Variants in SPON1 observed in about 807,000 individuals in gnomAD.
SPON1 encodes spondin-1.
Under a neutral mutation model 111.7 loss-of-function variants are expected in SPON1, and 52 were observed. The observed-to-expected ratio is 0.47, with a 90% CI of 0.37 to 0.59. The LOEUF (loss-of-function observed/expected upper bound fraction) is 0.59. SPON1 is among the 20% of genes least tolerant of loss of function. The probability of loss-of-function intolerance (pLI) is 0.00; values close to 1 mark genes in which losing one functional copy is unlikely to be tolerated. For missense variants in SPON1, 957 were observed against 1,068.5 expected (o/e 0.90, Z 1.46); for synonymous variants, 410 against 395.8 (o/e 1.04, Z -0.43).
chr11:14,088,166 T>C, intron 5 of SPON1, among the ~76,000 whole-genome samples: 1 of 152,242 alleles, frequency 6.6e-6, no homozygotes, highest in East Asian at 1.9e-4. Context: ...AGTTTGATCC[T>C]GTCATTATGA....
At chr11:14,078,510 T>C (rs1450171133) in intron 4 of SPON1, among the ~76,000 whole-genome samples, 1 of 152,012 alleles carries the variant, frequency 6.6e-6, no homozygotes, top group Non-Finnish European at 1.5e-5. Context: ...ACAGAAACAA[T>C]AAAAAAGTTT....
intron 6 of SPON1, among the ~76,000 whole-genome samples, chr11:14,190,544 CCTTCCTTCCTTCTTTA>C (rs1350669191): frequency 5.6e-4 from 85 of 151,540 alleles, no homozygotes; most frequent in African/African-American, 2.0e-3. Context: ...CTTCCTTCCT[CCTTCCTTCCTTCTTTA>C]CTTCCTTCCT....
At chr11:14,150,022 A>G (rs1428470549) in intron 6 of SPON1, among the ~76,000 whole-genome samples, 1 of 152,220 alleles carries the variant, frequency 6.6e-6, no homozygotes. Context: ...CTGCACTCCC[A>G]TGTTTATTGC....
intron 6 of SPON1, among the ~76,000 whole-genome samples, chr11:14,155,423 A>C (rs1465919388): frequency 6.6e-6 from 1 of 152,182 alleles, no homozygotes; most frequent in Admixed American, 6.5e-5. Context: ...GGTGAAGGGG[A>C]AACTGACATG....
chr11:14,093,633 G>A (rs887658243), intron 5 of SPON1, among the ~76,000 whole-genome samples: 1 of 152,124 alleles, frequency 6.6e-6, no homozygotes, highest in South Asian at 2.1e-4. Context: ...ATTTTACAAT[G>A]AAATTCAGCC....
intron 2 of SPON1, among the ~76,000 whole-genome samples, chr11:13,995,489 A>G (rs782454509): frequency 6.6e-6 from 1 of 152,172 alleles, no homozygotes; most frequent in African/African-American, 2.4e-5. Context: ...GCAAGACAAC[A>G]AAGTGCCACA....
intron 6 of SPON1, among the ~76,000 whole-genome samples, chr11:14,180,099 C>T (rs1554933548): frequency 6.6e-6 from 1 of 152,172 alleles, no homozygotes; most frequent in East Asian, 1.9e-4. Context: ...CCCTGCCCCT[C>T]CCCATAGGTG....
At chr11:14,070,792 C>T (rs1460291700) in intron 3 of SPON1, among the ~76,000 whole-genome samples, 1 of 152,026 alleles carries the variant, frequency 6.6e-6, no homozygotes, top group Non-Finnish European at 1.5e-5. Flanking sequence ...CAGATTCCCT[C>T]AGGAAAAAGA....
chr11:14,073,325 G>A (rs1848891982), intron 3 of SPON1, among the ~76,000 whole-genome samples: 1 of 152,146 alleles, frequency 6.6e-6, no homozygotes, highest in Non-Finnish European at 1.5e-5. Flanking sequence ...TGTTTTAACT[G>A]TGACCTGATA....
chr11:14,133,337 C>T (rs1385240994), intron 5 of SPON1, among the ~76,000 whole-genome samples: 2 of 152,140 alleles, frequency 1.3e-5, no homozygotes, highest in Non-Finnish European at 2.9e-5. Context: ...AAGTCAGGCT[C>T]CCTCAAGAAA....
intron 6 of SPON1, among the ~76,000 whole-genome samples, chr11:14,156,838 T>C (rs1486342161): frequency 3.3e-5 from 5 of 152,176 alleles, no homozygotes; most frequent in Admixed American, 3.3e-4. Context: ...GGCTCTGTTC[T>C]GTTCCACTGA....
intron 2 of SPON1, among the ~76,000 whole-genome samples, chr11:13,990,254 G>A (rs1292873663): frequency 6.6e-6 from 1 of 152,016 alleles, no homozygotes; most frequent in African/African-American, 2.4e-5. Flanking sequence ...ATATATTTAG[G>A]ATAGTTAGCT....
chr11:14,132,646 G>A (rs1554927638), intron 5 of SPON1, among the ~76,000 whole-genome samples: 1 of 152,198 alleles, frequency 6.6e-6, no homozygotes, highest in East Asian at 1.9e-4. Context: ...GCCCGCCACT[G>A]TGCTTGGCAC....
intron 2 of SPON1, among the ~76,000 whole-genome samples, chr11:14,027,550 G>A (rs568507048): frequency 3.6e-4 from 55 of 152,298 alleles, no homozygotes; most frequent in African/African-American, 1.3e-3. Flanking sequence ...AGCAAACTGA[G>A]TTTTTGCTCC....
At chr11:14,075,021 C>A (rs562556992) in intron 3 of SPON1, among the ~76,000 whole-genome samples, 15 of 152,212 alleles carry the variant, frequency 9.9e-5, no homozygotes, top group African/African-American at 3.6e-4. Context: ...GTAAAATAAA[C>A]CATTGAGAAA....
At chr11:14,255,040 C>T (rs1463100262) in intron 8 of SPON1, among the ~76,000 whole-genome samples, 3 of 152,172 alleles carry the variant, frequency 2.0e-5, no homozygotes, top group African/African-American at 7.2e-5. Flanking sequence ...GCATTCTGTC[C>T]TGAATGTCAT....
chr11:14,033,849 G>A (rs1848575863), intron 2 of SPON1, among the ~76,000 whole-genome samples: 1 of 152,162 alleles, frequency 6.6e-6, no homozygotes, highest in Non-Finnish European at 1.5e-5. Flanking sequence ...GGCTGGATGG[G>A]AACCAGTCAC....
intron 5 of SPON1, among the ~76,000 whole-genome samples, chr11:14,103,332 G>A (rs1454686784): frequency 3.3e-5 from 5 of 152,188 alleles, no homozygotes; most frequent in African/African-American, 7.2e-5. Flanking sequence ...GCTGGGATTC[G>A]TTTATCCCTG....
chr11:14,060,199 T>A (rs1401649273), intron 3 of SPON1, among the ~76,000 whole-genome samples: 1 of 152,166 alleles, frequency 6.6e-6, no homozygotes, highest in African/African-American at 2.4e-5. Context: ...AGACCCTGAG[T>A]ATAAATGTCA....
Sources: allele counts gnomAD v4.1 joint callset (sites outside exome capture counted in the v4.1 genomes callset), GRCh38; gene constraint gnomAD v4.1.1; transcripts MANE v1.5; gene names NCBI Gene and HGNC (gene_info 2026-07-23, HGNC 2026-07-21).